The following SAMD4A variants were observed in gnomAD, a reference collection of about 807,000 sequenced individuals.
SAMD4A encodes sterile alpha motif domain containing 4A.
A neutral mutation model predicts 81.3 loss-of-function variants in SAMD4A; 33 were observed. The observed-to-expected ratio is 0.41, with a 90% confidence interval of 0.31 to 0.54. SAMD4A has a LOEUF of 0.54. Ranked by LOEUF, SAMD4A falls within the 20% of genes least tolerant of loss-of-function variation. The pLI, the probability that SAMD4A is intolerant of heterozygous loss-of-function variation, is 0.37. For synonymous variants in SAMD4A, 389 were observed against 382.1 expected, an observed-to-expected ratio of 1.02 and a Z score of -0.21; for missense variants, 854 against 951.1, an observed-to-expected ratio of 0.90 and a Z score of 1.34.
At chr14:54,648,461 A>G (rs1301989676) in intron 2 of SAMD4A, among the ~76,000 whole-genome samples, 2 of 152,222 alleles carry the variant, frequency 1.3e-5, no homozygotes, top group Non-Finnish European at 2.9e-5. Context: ...CTGGCATAGG[A>G]ATATCTAGCT....
chr14:54,727,665 T>C (rs189681192), intron 3 of SAMD4A, among the ~76,000 whole-genome samples: 16 of 152,334 alleles, frequency 1.1e-4, no homozygotes, highest in African/African-American at 3.6e-4. Context: ...ACTTGAATTT[T>C]TGGCTACTGT....
chr14:54,770,345 C>A, intron 9 of SAMD4A, 123 bp downstream of exon 9: 1 of 695,044 alleles, frequency 1.4e-6, no homozygotes, highest in Non-Finnish European at 2.5e-6. Context: ...TGCCCTGTGG[C>A]GAGTTCCAAA....
intron 2 of SAMD4A, among the ~76,000 whole-genome samples, chr14:54,617,640 A>G (rs1041810767): frequency 6.6e-6 from 1 of 152,196 alleles, no homozygotes; most frequent in Non-Finnish European, 1.5e-5. Flanking sequence ...AGATTTCATG[A>G]TTAATTTTAA....
intron 2 of SAMD4A, among the ~76,000 whole-genome samples, chr14:54,656,032 T>G (rs2035513074): frequency 6.6e-6 from 1 of 152,202 alleles, no homozygotes; most frequent in South Asian, 2.1e-4. Flanking sequence ...CAATAAATAT[T>G]AAATATTAAC....
chr14:54,731,058 T>C (rs1459822146), intron 3 of SAMD4A, among the ~76,000 whole-genome samples: 3 of 152,220 alleles, frequency 2.0e-5, no homozygotes, highest in South Asian at 2.1e-4. Context: ...TCTTAGATGC[T>C]CTGAAACTGG....
intron 8 of SAMD4A, among the ~76,000 whole-genome samples, chr14:54,766,017 C>T (rs1395166315): frequency 6.6e-6 from 1 of 152,148 alleles, no homozygotes; most frequent in African/African-American, 2.4e-5. Context: ...GTTGGGGGCT[C>T]AGACACGCCA....
At chr14:54,587,128 A>G (rs1187591) in intron 2 of SAMD4A, among the ~76,000 whole-genome samples, 72,534 of 151,864 alleles carry the variant, frequency 0.48, 17,914 homozygotes, top group African/African-American at 0.61. Flanking sequence ...AGTTTTCCTT[A>G]TAGGGATCTT....
At chr14:54,603,115 C>G (rs545067985) in intron 2 of SAMD4A, among the ~76,000 whole-genome samples, 6 of 152,176 alleles carry the variant, frequency 3.9e-5, no homozygotes, top group Admixed American at 6.5e-5. Context: ...CGAGGCGGAC[C>G]ATGTGACTTG....
intron 5 of SAMD4A, 133 bp from the exon 6 acceptor site, chr14:54,751,318 T>A: frequency 4.9e-6 from 3 of 616,036 alleles, no homozygotes; most frequent in Non-Finnish European, 8.7e-6. Context: ...ATGCAAGAGA[T>A]AAGTGGATAT....
chr14:54,689,133 C>T (rs1265285304), intron 2 of SAMD4A, among the ~76,000 whole-genome samples: 7 of 151,934 alleles, frequency 4.6e-5, no homozygotes, highest in East Asian at 1.9e-4. Flanking sequence ...GATTTCACCA[C>T]GTTGGCCAGG....
chr14:54,737,407 G>A (rs577928590), intron 4 of SAMD4A, 120 bp downstream of exon 4: 173 of 1,177,268 alleles, frequency 1.5e-4, no homozygotes, highest in South Asian at 2.7e-4. Flanking sequence ...CCAGGCTTAC[G>A]CATTTGATCT....
intron 3 of SAMD4A, among the ~76,000 whole-genome samples, chr14:54,715,321 T>G (rs1459674290): frequency 6.6e-6 from 1 of 152,158 alleles, no homozygotes; most frequent in Non-Finnish European, 1.5e-5. Context: ...TTCTTAGCAC[T>G]TTTATTCTTT....
chr14:54,627,093 C>T (rs2034781957), intron 2 of SAMD4A, among the ~76,000 whole-genome samples: 1 of 152,180 alleles, frequency 6.6e-6, no homozygotes, highest in African/African-American at 2.4e-5. Context: ...GGAAAAATTA[C>T]ATAACTATAA....
chr14:54,768,789 A>G (rs2038626724), intron 8 of SAMD4A, among the ~76,000 whole-genome samples: 1 of 152,184 alleles, frequency 6.6e-6, no homozygotes, highest in African/African-American at 2.4e-5. Context: ...ACCCGGGAAG[A>G]AGGGGTTTGT....
At chr14:54,623,033 G>A (rs1594745767) in intron 2 of SAMD4A, among the ~76,000 whole-genome samples, 1 of 152,326 alleles carries the variant, frequency 6.6e-6, no homozygotes, top group East Asian at 1.9e-4. Flanking sequence ...AGCCCTGTGA[G>A]GGCAGGACCT....
chr14:54,582,816 G>T (rs2033506678), intron 2 of SAMD4A, among the ~76,000 whole-genome samples: 1 of 152,228 alleles, frequency 6.6e-6, no homozygotes, highest in African/African-American at 2.4e-5. Flanking sequence ...TTTTAGGGAT[G>T]AGGACTTACT....
intron 12 of SAMD4A, among the ~76,000 whole-genome samples, chr14:54,787,013 C>T (rs866478921): frequency 1.4e-4 from 22 of 152,168 alleles, no homozygotes; most frequent in African/African-American, 5.3e-4. Context: ...AGTGTGCCCT[C>T]CCAATATGAC....
intron 4 of SAMD4A, among the ~76,000 whole-genome samples, chr14:54,747,640 G>A (rs572991918): frequency 1.3e-5 from 2 of 152,330 alleles, no homozygotes; most frequent in African/African-American, 4.8e-5. Flanking sequence ...CAATGCTTTA[G>A]CATTTCAAAG....
At chr14:54,707,791 A>C (rs1021417659) in intron 3 of SAMD4A, among the ~76,000 whole-genome samples, 1 of 152,116 alleles carries the variant, frequency 6.6e-6, no homozygotes, top group African/African-American at 2.4e-5. Flanking sequence ...GCTGGAGCAA[A>C]GATCCCAAGA....
Sources: gnomAD v4.1 joint callset for allele counts (sites outside exome capture counted in the v4.1 genomes callset) on GRCh38, gnomAD v4.1.1 for gene constraint, MANE v1.5 for transcripts, NCBI Gene and HGNC (gene_info 2026-07-23, HGNC 2026-07-21) for gene names.